The following PPFIA4 variants were observed in gnomAD, a reference collection of about 807,000 sequenced individuals.
PPFIA4 encodes the protein PPFI scaffold protein A4.
In PPFIA4, 98 loss-of-function variants were observed where a neutral mutation model predicts 145.7. That is an observed-to-expected ratio of 0.67 (90% CI 0.57 to 0.80). The LOEUF (loss-of-function observed/expected upper bound fraction) is 0.80, where lower values mean the gene tolerates loss of function less well. Among genes scored for constraint, PPFIA4 ranks in the 30% least tolerant of loss-of-function variants. The pLI, the probability that PPFIA4 is intolerant of heterozygous loss-of-function variation, is 0.00. For missense variants in PPFIA4, 1,457 were observed against 1,632.7 expected, an observed-to-expected ratio of 0.89 and a Z score of 1.85; for synonymous variants, 628 against 649.6, an observed-to-expected ratio of 0.97 and a Z score of 0.51.
chr1:203,053,800 C>T lies in PPFIA4; in HGVS notation c.1668C>T (p.Gly556=). The T allele has an allele frequency of 6.4e-7, 1 of 1,552,682 alleles. No homozygotes were observed. The highest frequency in any genetic ancestry group is 1.4e-5 in the African/African-American group (1 of 73,228). ...CTGGGATGCTGGCCCCGGCAGCTGG[C>T]CCTGCCTTTGACAGTGACCCTGAGA... ...PLPGMLAPAA[G]PAFDSDPEIS... The change falls in exon 15 of 30, where the codon GGC becomes GGT. Residue 556 remains glycine, a synonymous_variant. Coordinates refer to ENST00000295706, the MANE Select transcript of PPFIA4 (RefSeq NM_001304331.2).
chr1:203,059,938 C>T (rs1254145732), intron 21 of PPFIA4, 87 bp downstream of exon 21: 6 of 1,125,022 alleles, frequency 5.3e-6, no homozygotes, highest in Admixed American at 4.0e-5. Flanking sequence ...AGAACTTTTA[C>T]AGTGTGTTTC....
Position 203,051,886 on chromosome 1 carries a change from G to A in PPFIA4, c.1620+9G>A. 6.2e-7 allele frequency: 1 copy of A among 1,612,324 alleles called. No homozygotes were observed. ...GGGAAGAGTCTGCCAAGGTGAGGGG[G>A]TGGAGGGATCTCCTCAGGGAGTTTG... On this transcript the variant is annotated intron_variant, in intron 14 of 29. Transcript: ENST00000295706.
In PPFIA4 at chr1:203,068,481, G is replaced by A. The variant is rs558900634; in HGVS notation, c.3177G>A (p.Val1059=). The change falls in exon 27 of 30, where the codon GTG becomes GTA. Residue 1059 remains valine, a synonymous_variant. Transcript: ENST00000295706. The surrounding 1 kb of genome is among the most constrained non-coding windows in gnomAD (Gnocchi z 4.7). ...TGTTAGTCTGGACCAACGACCAGGT[G>A]GTTCATTGGGTCCAGTCTATTGGGC... The part of the protein sequence containing the change: ...KDVLVWTNDQ[V]VHWVQSIGLR... The A allele has an allele frequency of 1.9e-6, 3 of 1,607,888 alleles. No individual in the cohort carries two copies. The highest frequency in any genetic ancestry group is 4.5e-5 in the East Asian group (2 of 44,520).
chr1:203,065,277 TGACTTGTGAGGGAA>T (rs1159847094), intron 25 of PPFIA4, among the ~76,000 whole-genome samples: 1 of 152,194 alleles, frequency 6.6e-6, no homozygotes, highest in Non-Finnish European at 1.5e-5. Flanking sequence ...GCATGAGGGC[TGACTTGTGAGGGAA>T]GACCGCATCC....
chr1:203,056,507 A>G lies in PPFIA4; in HGVS notation c.2239A>G (p.Ser747Gly), dbSNP rs141527662. The G allele has an allele frequency of 1.3e-4, 202 of 1,613,322 alleles. 1 individual carries two copies. The East Asian group carries it at 4.0e-3, about 32-fold the overall frequency. ...HPALSQEEGK[S>G]ALEDQGSNPS... The stretch of plus-strand genomic sequence containing the variant: ...AGCCCTGAGCCAGGAAGAAGGCAAG[A>G]GGTAAGTAGAGCAGACCCCACCTCC... Residue 747 changes from serine to glycine, a missense_variant and splice_region_variant, in exon 18 of 30, where the codon AGT becomes GGT. By Grantham distance (56) the Ser-to-Gly change is moderately conservative. Transcript: ENST00000295706.
Position 203,076,807 on chromosome 1 carries a change from C to T in PPFIA4, c.*417C>T. 4.4e-6 allele frequency: 1 copy of T among 225,184 alleles called. No homozygotes were observed. Among genetic ancestry groups the T allele is most frequent in the Non-Finnish European group, 8.9e-6 (1 of 112,940 alleles). 13.9% of individuals were successfully genotyped at this position (225,184 alleles called of 1,614,324 possible). On this transcript the variant is annotated 3_prime_UTR_variant, in exon 30 of 30. Transcript: ENST00000295706. ...AGAAAGGGTCATTTCAGACGCAGCCCTGCTTGGGCTATTCAATCTTAGGGT... is the reference window on the plus strand; with the variant it reads ...AGAAAGGGTCATTTCAGACGCAGCCTTGCTTGGGCTATTCAATCTTAGGGT...
At chr1:203,047,500 A>G (rs1029594684) in intron 9 of PPFIA4, among the ~76,000 whole-genome samples, 1 of 152,172 alleles carries the variant, frequency 6.6e-6, no homozygotes, top group Non-Finnish European at 1.5e-5. Context: ...GAGGAGTTTA[A>G]GGAAGGATTT....
chr1:203,070,127 C>G (rs974852478), intron 27 of PPFIA4, among the ~76,000 whole-genome samples: 2 of 152,136 alleles, frequency 1.3e-5, no homozygotes, highest in African/African-American at 4.8e-5. Context: ...GATTTCCTAT[C>G]TCTAATGCAT....
intron 19 of PPFIA4, among the ~76,000 whole-genome samples, chr1:203,057,561 C>T (rs1360992003): frequency 6.6e-6 from 1 of 152,220 alleles, no homozygotes. Context: ...TTTCTCTTTT[C>T]CTTCCTGTTC....
Position 203,045,458 on chromosome 1 carries a change from A to C in PPFIA4, c.757A>C (p.Thr253Pro). The change falls in exon 7 of 30, where the codon ACA (threonine) becomes CCA (proline). Residue 253 changes from threonine to proline, a missense_variant. Thr to Pro is a conservative substitution (Grantham distance 38, BLOSUM62 -1). This residue lies in a region of PPFIA4 where 463 missense variants were observed against 459.8 expected (regional missense o/e 1.01). Coordinates refer to ENST00000295706, the MANE Select transcript of PPFIA4 (RefSeq NM_001304331.2). ...GGCCCGGGAGCGACTGGTCACCCTA[A>C]CAACAACCGTGACTGAACTCGAGGA... ...SQARERLVTL[T>P]TTVTELEEDL... 1 of 1,610,126 alleles carries C rather than the reference A, an allele frequency of 6.2e-7. No individual in the cohort carries two copies. The highest frequency in any genetic ancestry group is 2.2e-5 in the East Asian group (1 of 44,776).
chr1:203,034,066 TGTAAA>T (rs1228334971), intron 1 of PPFIA4, among the ~76,000 whole-genome samples: 1 of 152,036 alleles, frequency 6.6e-6, no homozygotes, highest in Non-Finnish European at 1.5e-5. Flanking sequence ...GATGAGATGA[TGTAAA>T]GTAAGAGAAG....
chr1:203,037,907 G>A (rs1659409717), intron 1 of PPFIA4, among the ~76,000 whole-genome samples: 1 of 152,212 alleles, frequency 6.6e-6, no homozygotes, highest in Non-Finnish European at 1.5e-5. Flanking sequence ...CCGAATCCAA[G>A]CCTGCTGTCT....
chr1:203,048,151 C>A lies in PPFIA4; in HGVS notation c.1141-76C>A. 7.0e-7 allele frequency: 1 copy of A among 1,430,510 alleles called. No homozygotes were observed. Among genetic ancestry groups the A allele is most frequent in the Non-Finnish European group, 9.7e-7 (1 of 1,027,122 alleles). 88.6% of individuals were successfully genotyped at this position (1,430,510 alleles called of 1,614,324 possible). A position where few individuals can be genotyped will look rare whatever the true frequency, so the allele number is the denominator to read the frequency against. On this transcript the variant is annotated intron_variant, in intron 9 of 29. Coordinates refer to ENST00000295706, the MANE Select transcript of PPFIA4 (RefSeq NM_001304331.2). The surrounding 1 kb of genome is among the most constrained non-coding windows in gnomAD (Gnocchi z 5.8). Reference sequence around the variant, plus strand: ...ATGATCCCCAGGGCCACCCTGGCACCAGGGTGCAGGGGATGCGGGGCCTGA... The same window carrying A: ...ATGATCCCCAGGGCCACCCTGGCACAAGGGTGCAGGGGATGCGGGGCCTGA...
Position 203,069,546 on chromosome 1 carries a change from T to G in PPFIA4, c.3324+918T>G, listed in dbSNP as rs923250336. ...TAGACTCGCCTCTGTCCCCTGATTG[T>G]TTTAGCTGCCCTTGTCTGGACTGTT... On this transcript the variant is annotated intron_variant, in intron 27 of 29. Coordinates refer to ENST00000295706, the MANE Select transcript of PPFIA4 (RefSeq NM_001304331.2). Among the ~76,000 whole-genome samples the G allele has an allele frequency of 8.5e-5, 13 of 152,364 alleles. 1 individual carries two copies. In the South Asian group the frequency reaches 2.5e-3, roughly 29 times the overall value.
chr1:203,065,448 C>A (rs1338719119), intron 25 of PPFIA4, among the ~76,000 whole-genome samples: 1 of 152,144 alleles, frequency 6.6e-6, no homozygotes, highest in Admixed American at 6.5e-5. Flanking sequence ...CCCCACCAAG[C>A]CGGGATGTGC....
Position 203,061,131 on chromosome 1 carries a change from A to G in PPFIA4, c.2847+99A>G, listed in dbSNP as rs1168048970. 9.6e-6 allele frequency: 11 copies of G among 1,141,280 alleles called. No homozygotes were observed. The African/African-American group carries it at 1.1e-4, about 11-fold the overall frequency. The allele number at this position is 1,141,280 out of a possible 1,614,324, so 70.7% of individuals were successfully genotyped here. On this transcript the variant is annotated intron_variant, in intron 23 of 29. Coordinates refer to ENST00000295706, the MANE Select transcript of PPFIA4 (RefSeq NM_001304331.2). Reference sequence around the variant, plus strand: ...CTGTGGGCAGTCAGAGTGGGCTGCCATCGATCTCACGTGAGGTTGGTATCC... The same window carrying G: ...CTGTGGGCAGTCAGAGTGGGCTGCCGTCGATCTCACGTGAGGTTGGTATCC...
chr1:203,027,737 T>G (rs1373885454), intron 1 of PPFIA4, among the ~76,000 whole-genome samples: 1 of 152,228 alleles, frequency 6.6e-6, no homozygotes, highest in Admixed American at 6.5e-5. Flanking sequence ...CTAGGTCTTC[T>G]GAAGGCAATT....
chr1:203,043,464 T>C lies in PPFIA4; in HGVS notation c.302T>C (p.Ile101Thr). The C allele has an allele frequency of 6.2e-7, 1 of 1,611,374 alleles. No individual in the cohort carries two copies. Among genetic ancestry groups the C allele is most frequent in the East Asian group, 2.2e-5 (1 of 44,844 alleles). Residue 101 changes from isoleucine to threonine, a missense_variant, in exon 3 of 30, where the codon ATA becomes ACA. Transcript: ENST00000295706. This position sits in a 1 kb window ranked among gnomAD's most constrained non-coding sequence, Gnocchi z 4.4. ...REQLLEREEEISELKAERNNT... is the reference protein window; with the variant it reads ...REQLLEREEETSELKAERNNT... Reference sequence around the variant, plus strand: ...CAGCTTCTAGAGCGGGAGGAAGAGATATCAGAACTGAAAGCAGAACGGAAT... The same window carrying C: ...CAGCTTCTAGAGCGGGAGGAAGAGACATCAGAACTGAAAGCAGAACGGAAT...
chr1:203,041,574 A>G (rs1167990867), intron 2 of PPFIA4, among the ~76,000 whole-genome samples: 1 of 152,220 alleles, frequency 6.6e-6, no homozygotes, highest in Non-Finnish European at 1.5e-5. Context: ...CCTGGGTGAC[A>G]GAGGAGACCG....
Sources: allele counts gnomAD v4.1 joint callset (sites outside exome capture counted in the v4.1 genomes callset), GRCh38; gene constraint gnomAD v4.1.1; regional missense constraint gnomAD v4.1.1; non-coding constraint Gnocchi (gnomAD v3.1); transcripts MANE v1.5; gene names NCBI Gene and HGNC (gene_info 2026-07-23, HGNC 2026-07-21).